MCC: variants seen among roughly 807,000 people sequenced by gnomAD.
MCC encodes MCC regulator of Wnt signaling pathway.
In MCC, 90 loss-of-function variants were observed where a neutral mutation model predicts 116.2. That is an observed-to-expected ratio of 0.77 (90% CI 0.65 to 0.92). The LOEUF is 0.92. Among genes scored for constraint, MCC ranks in the 40% least tolerant of loss-of-function variants. The probability of loss-of-function intolerance (pLI) is 0.00; values close to 1 mark genes in which losing one functional copy is unlikely to be tolerated. For missense variants in MCC, 1,516 were observed against 1,312.2 expected (o/e 1.16, Z -2.40); for synonymous variants, 578 against 510.5 (o/e 1.13, Z -1.78).
At chr5:113,031,229 T>C (rs1290736471) in intron 17 of MCC, among the ~76,000 whole-genome samples, 1 of 152,140 alleles carries the variant, frequency 6.6e-6, no homozygotes, top group Admixed American at 6.5e-5. Flanking sequence ...CCAGAACTCA[T>C]TTTTCAGTAA....
chr5:113,426,650 G>A (rs925459314), intron 1 of MCC, among the ~76,000 whole-genome samples: 8 of 152,120 alleles, frequency 5.3e-5, no homozygotes, highest in East Asian at 3.8e-4. Context: ...TATATTCTAA[G>A]AATGGCAAAA....
chr5:113,216,225 G>T (rs1457021254), intron 3 of MCC, among the ~76,000 whole-genome samples: 2 of 152,162 alleles, frequency 1.3e-5, no homozygotes, highest in African/African-American at 4.8e-5. Flanking sequence ...GTCCATTACA[G>T]AAAATGTCTG....
At chr5:113,283,982 TCTTC>T (rs1040377281) in intron 3 of MCC, among the ~76,000 whole-genome samples, 6 of 152,252 alleles carry the variant, frequency 3.9e-5, no homozygotes, top group African/African-American at 9.6e-5. Context: ...ATATATTTTC[TCTTC>T]CTTATGATTT....
intron 2 of MCC, among the ~76,000 whole-genome samples, chr5:113,357,683 A>G (rs1340968607): frequency 6.6e-6 from 1 of 152,180 alleles, no homozygotes; most frequent in African/African-American, 2.4e-5. Context: ...CTTAACTCAT[A>G]TATGACCTTC....
At chr5:113,326,693 A>G (rs555507723) in intron 3 of MCC, among the ~76,000 whole-genome samples, 11 of 152,318 alleles carry the variant, frequency 7.2e-5, no homozygotes, top group African/African-American at 2.6e-4. Context: ...TCACTACACT[A>G]TATGGATTCA....
intron 1 of MCC, among the ~76,000 whole-genome samples, chr5:113,465,303 A>C (rs1405550338): frequency 6.6e-6 from 1 of 152,074 alleles, no homozygotes; most frequent in African/African-American, 2.4e-5. Flanking sequence ...CATCACATGG[A>C]AGTAGGAAAA....
At chr5:113,108,228 G>A (rs1480633105) in intron 6 of MCC, among the ~76,000 whole-genome samples, 1 of 147,140 alleles carries the variant, frequency 6.8e-6, no homozygotes, top group East Asian at 2.1e-4. Flanking sequence ...ACCTGTAATG[G>A]AGGCTGAGGC....
chr5:113,188,827 T>C (rs946905434), intron 3 of MCC, among the ~76,000 whole-genome samples: 2 of 152,232 alleles, frequency 1.3e-5, no homozygotes, highest in African/African-American at 4.8e-5. Context: ...TTGAGGTGTC[T>C]ACCTGACTCC....
At chr5:113,151,238 T>A (rs1221447714) in intron 4 of MCC, 71 bp downstream of exon 4, 1 of 887,542 alleles carries the variant, frequency 1.1e-6, no homozygotes, top group Non-Finnish European at 1.8e-6. Context: ...TCTGTACTCA[T>A]GTTTTATCTT....
intron 3 of MCC, among the ~76,000 whole-genome samples, chr5:113,163,844 T>G (rs1760634600): frequency 1.3e-5 from 2 of 152,218 alleles, no homozygotes; most frequent in Non-Finnish European, 2.9e-5. Context: ...TAATATAGTA[T>G]TATTTTTAGC....
intron 2 of MCC, among the ~76,000 whole-genome samples, chr5:113,346,047 A>G (rs941918466): frequency 1.2e-4 from 18 of 152,342 alleles, no homozygotes; most frequent in Admixed American, 1.1e-3. Context: ...GAAATAATTA[A>G]AAGGAATCAA....
intron 11 of MCC, among the ~76,000 whole-genome samples, chr5:113,077,095 A>C (rs1033569499): frequency 2.6e-5 from 4 of 152,224 alleles, no homozygotes; most frequent in Admixed American, 1.3e-4. Flanking sequence ...TCAATTCAAC[A>C]AGAAGAGCTA....
chr5:113,084,371 C>A (rs1032484179), intron 9 of MCC, among the ~76,000 whole-genome samples, 181 bp from the exon 10 acceptor site: 5 of 152,232 alleles, frequency 3.3e-5, no homozygotes, highest in African/African-American at 1.2e-4. Flanking sequence ...AACTTCAGCA[C>A]TGCTGATATT....
chr5:113,076,045 A>G (rs1442277151), intron 11 of MCC, among the ~76,000 whole-genome samples: 1 of 152,192 alleles, frequency 6.6e-6, no homozygotes, highest in Non-Finnish European at 1.5e-5. Context: ...ATCAGAAGGA[A>G]CAAACTCCAG....
At chr5:113,213,627 G>A (rs978342384) in intron 3 of MCC, among the ~76,000 whole-genome samples, 10 of 152,180 alleles carry the variant, frequency 6.6e-5, no homozygotes, top group African/African-American at 1.9e-4. Context: ...GTCAAAGCAC[G>A]CGGGTAAGAG....
In MCC at chr5:113,212,016, T is replaced by C. The variant is rs754060814; in HGVS notation, c.628-60594A>G. On this transcript the variant is annotated intron_variant, in intron 3 of 18. Transcript: ENST00000408903. ...AATACATGGCTTCCCTGAGAGAATA[T>C]CTCTAAGATGCAGTAAGATCCCAGA... Among the ~76,000 whole-genome samples the C allele has an allele frequency of 2.0e-5, 3 of 152,252 alleles. No homozygotes were observed. In the South Asian group the frequency reaches 6.2e-4, roughly 32 times the overall value.
chr5:113,093,562 T>TG (rs1261240594), intron 8 of MCC, among the ~76,000 whole-genome samples: 1 of 151,792 alleles, frequency 6.6e-6, no homozygotes, highest in African/African-American at 2.4e-5. Context: ...GAAAGTGAGA[T>TG]GTTGGGGGGA....
intron 2 of MCC, among the ~76,000 whole-genome samples, chr5:113,341,038 CTG>C (rs138478776): frequency 0.013 from 2,052 of 152,346 alleles, 38 homozygotes; most frequent in Non-Finnish European, 0.021. Flanking sequence ...AGAGTCACAT[CTG>C]TGATTTGCAC....
intron 1 of MCC, among the ~76,000 whole-genome samples, chr5:113,472,158 G>A (rs1772112270): frequency 6.6e-6 from 1 of 152,156 alleles, no homozygotes; most frequent in Non-Finnish European, 1.5e-5. Flanking sequence ...ACGGTGCGCT[G>A]CACTCACTGT....
Sources: allele counts gnomAD v4.1 joint callset (sites outside exome capture counted in the v4.1 genomes callset), GRCh38; gene constraint gnomAD v4.1.1; transcripts MANE v1.5; gene names NCBI Gene and HGNC (gene_info 2026-07-23, HGNC 2026-07-21).